TFDP2: variants seen among roughly 807,000 people sequenced by gnomAD.
TFDP2 encodes the protein transcription factor Dp-2.
In TFDP2, 17 loss-of-function variants were observed where a neutral mutation model predicts 59.3. The ratio of observed to expected loss-of-function variants is 0.29; its 90% CI spans 0.20 to 0.43. TFDP2 has a LOEUF of 0.43. TFDP2 is among the 20% of genes least tolerant of loss of function. The pLI is 1.00. For missense variants in TFDP2, 391 were observed against 528.8 expected (o/e 0.74, Z 2.56); for synonymous variants, 180 against 194.7 (o/e 0.92, Z 0.63).
At chr3:142,111,539 CA>C (rs1560155731) in intron 1 of TFDP2, among the ~76,000 whole-genome samples, 1 of 149,942 alleles carries the variant, frequency 6.7e-6, no homozygotes, top group South Asian at 2.1e-4. Context: ...CTGAGCTCAC[CA>C]AAAAAAGAAA....
At position 142,116,094 on chromosome 3, in the gene TFDP2, T is replaced by G. The variant is rs529652911; in HGVS notation, c.-92-14253A>C. Among the ~76,000 whole-genome samples the G allele has an allele frequency of 7.2e-5, 11 of 152,122 alleles. No individual in the cohort carries two copies. The East Asian group carries it at 1.9e-3, about 27-fold the overall frequency. On this transcript the variant is annotated intron_variant, in intron 1 of 12. Coordinates refer to ENST00000489671, the MANE Select transcript of TFDP2 (RefSeq NM_001178139.2). ...TTTTTTTTTTTCTTGAGACAGGGTC[T>G]TGCTCTGTCACCCAGGCTGGAATGC...
rs140651765 is a variant in TFDP2, at chr3:142,106,560, C to A, written c.-92-4719G>T. Among the ~76,000 whole-genome samples, 233 of 152,282 alleles carry A rather than the reference C, an allele frequency of 1.5e-3. 1 individual carries two copies. The highest frequency in any genetic ancestry group is 2.6e-3 in the Non-Finnish European group (177 of 68,024). On this transcript the variant is annotated intron_variant, in intron 1 of 12. Transcript: ENST00000489671. The stretch of plus-strand genomic sequence containing the variant: ...TGGCACAGAAAGGTTCAAGAAGTTG[C>A]CATCTTTGGCAGTATGGATGATTCT...
chr3:141,983,490 T>C (rs1489367453), intron 6 of TFDP2, among the ~76,000 whole-genome samples: 1 of 151,766 alleles, frequency 6.6e-6, no homozygotes, highest in Non-Finnish European at 1.5e-5. Context: ...ATACAAAAAT[T>C]AGCTGGACGT....
Position 142,042,471 on chromosome 3 carries a change from T to A in TFDP2, c.83-36927A>T, listed in dbSNP as rs575696345. ...CACGCCCGGCTAATTTTTGTACTTT[T>A]GTACTTTTAGTAGAGACGGGGTTTC... On this transcript the variant is annotated intron_variant, in intron 3 of 12. Transcript: ENST00000489671. Among the ~76,000 whole-genome samples the A allele has an allele frequency of 2.0e-5, 3 of 152,066 alleles. No homozygotes were observed. The East Asian group carries it at 5.8e-4, about 30-fold the overall frequency.
intron 3 of TFDP2, among the ~76,000 whole-genome samples, chr3:142,075,992 C>T (rs1365444177): frequency 6.6e-6 from 1 of 150,920 alleles, no homozygotes; most frequent in South Asian, 2.1e-4. Context: ...GGGCGGATCA[C>T]CTGAGGTCAG....
Position 141,950,845 on chromosome 3 carries a change from T to C in TFDP2, c.*1668A>G, listed in dbSNP as rs1468537566. ...CTCCAGAACCCACGATAAGACCGAG[T>C]TCTCTAGAAACTGCCTCTATCTCTG... On this transcript the variant is annotated 3_prime_UTR_variant, in exon 13 of 13. Transcript: ENST00000489671. 12 of 152,374 alleles carry C rather than the reference T, an allele frequency of 7.9e-5. No individual in the cohort carries two copies. Among genetic ancestry groups the C allele is most frequent in the Admixed American group, 7.9e-4 (12 of 15,272 alleles). 9.4% of individuals were successfully genotyped at this position (152,374 alleles called of 1,614,324 possible). A position where few individuals can be genotyped will look rare whatever the true frequency, so the allele number is the denominator to read the frequency against.
At chr3:142,060,567 G>C (rs1295095373) in intron 3 of TFDP2, among the ~76,000 whole-genome samples, 1 of 152,112 alleles carries the variant, frequency 6.6e-6, no homozygotes, top group Admixed American at 6.6e-5. Flanking sequence ...AATGAGGTTA[G>C]CAGCATTCTG....
chr3:142,103,735 TTTAA>T (rs2061385264), intron 1 of TFDP2, among the ~76,000 whole-genome samples: 1 of 152,164 alleles, frequency 6.6e-6, no homozygotes, highest in Non-Finnish European at 1.5e-5. Context: ...AAAATTAAAC[TTTAA>T]TAAGACATTC....
Position 141,950,587 on chromosome 3 carries a change from C to A in TFDP2, c.*1926G>T, listed in dbSNP as rs1332653293. 6.6e-6 allele frequency: 1 copy of A among 152,612 alleles called. No homozygotes were observed. The highest frequency in any genetic ancestry group is 2.4e-5 in the African/African-American group (1 of 41,438). 9.5% of individuals were successfully genotyped at this position (152,612 alleles called of 1,614,324 possible). ...TTAAATCCTGAAATGCATCTTGGGA[C>A]CTGCAGTTCAATATTTTGAAGACTA... On this transcript the variant is annotated 3_prime_UTR_variant, in exon 13 of 13. Transcript: ENST00000489671.
intron 3 of TFDP2, among the ~76,000 whole-genome samples, chr3:142,071,825 G>A (rs2060259094): frequency 6.6e-6 from 1 of 152,020 alleles, no homozygotes; most frequent in Non-Finnish European, 1.5e-5. Context: ...ATTTTGGGAG[G>A]GTAAAATAAT....
chr3:142,056,250 C>T (rs1320410028), intron 3 of TFDP2, among the ~76,000 whole-genome samples: 1 of 149,894 alleles, frequency 6.7e-6, no homozygotes, highest in Non-Finnish European at 1.5e-5. Flanking sequence ...CCATGCCTGG[C>T]TACTGAGTAC....
At chr3:142,084,977 G>A (rs1187575617) in intron 3 of TFDP2, among the ~76,000 whole-genome samples, 1 of 152,104 alleles carries the variant, frequency 6.6e-6, no homozygotes, top group African/African-American at 2.4e-5. Flanking sequence ...CCGGAGTGCA[G>A]TGGTGTGATC....
intron 3 of TFDP2, among the ~76,000 whole-genome samples, chr3:142,006,469 A>ATT (rs61099247): frequency 0.037 from 5,142 of 137,596 alleles, 358 homozygotes; most frequent in African/African-American, 0.13. Context: ...TTCCCTTACT[A>ATT]TTTTTTTTTT....
chr3:142,137,116 G>C (rs1380514392), intron 1 of TFDP2, among the ~76,000 whole-genome samples: 1 of 151,026 alleles, frequency 6.6e-6, no homozygotes, highest in Non-Finnish European at 1.5e-5. Flanking sequence ...TTGTAAGTTG[G>C]ATTCCTAGGT....
At chr3:142,140,036 C>T (rs1306053619) in intron 1 of TFDP2, among the ~76,000 whole-genome samples, 1 of 152,206 alleles carries the variant, frequency 6.6e-6, no homozygotes, top group African/African-American at 2.4e-5. Context: ...TTCACATAGT[C>T]CCATATTTCC....
chr3:142,039,708 C>T (rs1299343046), intron 3 of TFDP2, among the ~76,000 whole-genome samples: 1 of 152,088 alleles, frequency 6.6e-6, no homozygotes, highest in African/African-American at 2.4e-5. Context: ...AATAGAAAAC[C>T]ACCTATGACA....
At chr3:142,083,494 A>G (rs759769486) in intron 3 of TFDP2, among the ~76,000 whole-genome samples, 8 of 152,216 alleles carry the variant, frequency 5.3e-5, no homozygotes, top group Non-Finnish European at 1.2e-4. Flanking sequence ...ACAGAAATAG[A>G]AAAAACAATC....
At chr3:142,111,908 A>G (rs897717499) in intron 1 of TFDP2, among the ~76,000 whole-genome samples, 2 of 152,130 alleles carry the variant, frequency 1.3e-5, no homozygotes, top group African/African-American at 4.8e-5. Flanking sequence ...TCTACTAAAA[A>G]TACAAAAATT....
At chr3:141,993,655 T>C (rs139619463) in intron 5 of TFDP2, 70 bp from the exon 6 acceptor site, 1 of 904,698 alleles carries the variant, frequency 1.1e-6, no homozygotes, top group Non-Finnish European at 1.7e-6. Context: ...TAATACTTTA[T>C]TATAACTTGT....
Sources: allele counts gnomAD v4.1 joint callset (sites outside exome capture counted in the v4.1 genomes callset), GRCh38; gene constraint gnomAD v4.1.1; transcripts MANE v1.5; gene names NCBI Gene and HGNC (gene_info 2026-07-23, HGNC 2026-07-21).